The following RESF1 variants were observed in gnomAD, a reference collection of about 807,000 sequenced individuals.
RESF1 encodes the protein retroelement silencing factor 1, also known as gonad expressed transcript.
In RESF1, 65 loss-of-function variants were observed where a neutral mutation model predicts 134.7. That is an observed-to-expected ratio of 0.48 (90% CI 0.40 to 0.59). The LOEUF (loss-of-function observed/expected upper bound fraction) is 0.59, where lower values mean the gene tolerates loss of function less well. RESF1 is among the 20% of genes least tolerant of loss of function. RESF1 has a pLI of 0.00. For missense variants in RESF1, 2,274 were observed against 2,002.7 expected (o/e 1.14, Z -2.59); for synonymous variants, 762 against 702.2 (o/e 1.09, Z -1.35).
chr12:31,971,292 A>G (rs990964155), intron 3 of RESF1, among the ~76,000 whole-genome samples: 1 of 152,104 alleles, frequency 6.6e-6, no homozygotes, highest in Non-Finnish European at 1.5e-5. Flanking sequence ...ACAGGCATGT[A>G]CCACTATACC....
rs186772900 is a variant in RESF1, at chr12:31,982,240, A to G, written c.1285A>G (p.Met429Val). The change falls in exon 4 of 6, where the codon ATG becomes GTG. Residue 429 changes from methionine to valine, a missense_variant. Transcript: ENST00000312561. The part of the protein sequence containing the change: ...DLLMAAGCIK[M>V]TNTSYSEPAQ... ...TTTGATGGCAGCAGGTTGTATTAAAATGACTAATACTTCTTATAGTGAACC... is the reference window on the plus strand; with the variant it reads ...TTTGATGGCAGCAGGTTGTATTAAAGTGACTAATACTTCTTATAGTGAACC... 203 of 1,613,480 alleles carry G rather than the reference A, an allele frequency of 1.3e-4. 2 individuals are homozygous for G. In the East Asian group the frequency reaches 1.8e-3, roughly 15 times the overall value.
At chr12:31,966,262 G>A (rs1018439007) in intron 2 of RESF1, among the ~76,000 whole-genome samples, 6 of 152,170 alleles carry the variant, frequency 3.9e-5, no homozygotes, top group Non-Finnish European at 5.9e-5. Flanking sequence ...CCCATGGGCC[G>A]CGGATTGGAC....
At chr12:31,979,275 C>A (rs1000130362) in intron 3 of RESF1, among the ~76,000 whole-genome samples, 9 of 152,176 alleles carry the variant, frequency 5.9e-5, no homozygotes, top group Non-Finnish European at 1.2e-4. Context: ...GACCAATTCT[C>A]TCCACATACC....
Position 31,983,707 on chromosome 12 carries a change from T to A in RESF1, c.2752T>A (p.Leu918Met). The change falls in exon 4 of 6, where the codon TTG becomes ATG. Residue 918 changes from leucine (L) to methionine (M), a missense_variant. By Grantham distance (15) the Leu-to-Met change is conservative. Coordinates refer to ENST00000312561, the MANE Select transcript of RESF1 (RefSeq NM_018169.4). ...AGCAAAGATATTCAGCTCTCTTCCC[T>A]TGAAAATGGTTGAGCCACAGAAACC... ...QIAKIFSSLP[L>M]KMVEPQKPSL... 2 of 1,613,838 alleles carry A rather than the reference T, an allele frequency of 1.2e-6. No homozygotes were observed. The highest frequency in any genetic ancestry group is 1.1e-5 in the South Asian group (1 of 91,086).
Position 31,991,190 on chromosome 12 carries a change from C to A in RESF1, c.5087-1188C>A, listed in dbSNP as rs556510184. ...CCAGCCTGGGCAACAGAGCCAAGAC[C>A]CTGTCTCAAAAAAAAAAAAACCCAC... On this transcript the variant is annotated intron_variant, in intron 5 of 5. Transcript: ENST00000312561. Among the ~76,000 whole-genome samples, 10 of 129,998 alleles carry A rather than the reference C, an allele frequency of 7.7e-5. No homozygotes were observed. The East Asian group carries it at 2.7e-3, about 36-fold the overall frequency. 85.3% of individuals were successfully genotyped at this position (129,998 alleles called of 152,430 possible).
At chr12:31,977,188 A>T (rs1056295755) in intron 3 of RESF1, among the ~76,000 whole-genome samples, 8 of 151,920 alleles carry the variant, frequency 5.3e-5, no homozygotes, top group Non-Finnish European at 1.2e-4. Flanking sequence ...AGATATTCTC[A>T]TGTTTTTTTG....
chr12:31,971,270 G>A (rs557265319), intron 3 of RESF1, among the ~76,000 whole-genome samples: 1 of 152,152 alleles, frequency 6.6e-6, no homozygotes, highest in Non-Finnish European at 1.5e-5. Context: ...ATCCTCCCAG[G>A]TAGCAGGGAT....
chr12:31,982,737 T>G lies in RESF1; in HGVS notation c.1782T>G (p.Thr594=). 1 of 1,613,964 alleles carries G rather than the reference T, an allele frequency of 6.2e-7. No homozygotes were observed. The highest frequency in any genetic ancestry group is 8.5e-7 in the Non-Finnish European group (1 of 1,179,906). ...CTTTGCTTTCACAGGCACGTAAGAC[T>G]CAGAAGACAGTATTAAAAGATGCTA... is the stretch of plus-strand genomic sequence containing the variant. ...LLALLSQARK[T]QKTVLKDANQ... is the part of the protein sequence containing the mutation. The change falls in exon 4 of 6, where the codon ACT becomes ACG. Residue 594 remains threonine (T), a synonymous_variant. Transcript: ENST00000312561.
intron 3 of RESF1, among the ~76,000 whole-genome samples, chr12:31,974,208 GTTACTCAGGAGAT>G (rs980569357): frequency 3.3e-5 from 5 of 151,822 alleles, no homozygotes; most frequent in African/African-American, 4.8e-5. Context: ...AGACACTCCT[GTTACTCAGGAGAT>G]TACAAAGGTC....
In RESF1 at chr12:31,984,671, A is replaced by C. The variant is rs768133044; in HGVS notation, c.3716A>C (p.Lys1239Thr). ...VQFKSLVNNP[K>T]TPPDGKSHFP... ...TTTAAGAGCCTTGTAAATAATCCAA[A>C]GACTCCTCCAGATGGGAAAAGTCAT... The change falls in exon 4 of 6, where the codon AAG becomes ACG. Residue 1239 changes from lysine to threonine, a missense_variant. Lys to Thr is a moderately conservative substitution (Grantham distance 78). Transcript: ENST00000312561. The C allele has an allele frequency of 3.4e-5, 54 of 1,583,256 alleles. No homozygotes were observed. Among genetic ancestry groups the C allele is most frequent in the Non-Finnish European group, 4.4e-5 (52 of 1,171,916 alleles).
intron 3 of RESF1, among the ~76,000 whole-genome samples, chr12:31,974,425 G>A (rs746748166): frequency 5.3e-4 from 81 of 151,918 alleles, no homozygotes; most frequent in Non-Finnish European, 1.0e-3. Flanking sequence ...TCCCAGTTCC[G>A]GCGGCTAGAA....
chr12:31,969,908 A>G (rs35511352), intron 2 of RESF1, among the ~76,000 whole-genome samples: 14,290 of 152,090 alleles, frequency 0.094, 774 homozygotes, highest in Non-Finnish European at 0.13. Context: ...ATTTTCTTAT[A>G]CTTCTTTCTA....
Position 31,992,640 on chromosome 12 carries a change from A to G in RESF1, c.*105A>G. On this transcript the variant is annotated 3_prime_UTR_variant, in exon 6 of 6. Transcript: ENST00000312561. ...AAATGCCATGATAAAGATTTCTCAGAGTTTGGTTCCCACTTTCATTGTATT... is the reference window on the plus strand; with the variant it reads ...AAATGCCATGATAAAGATTTCTCAGGGTTTGGTTCCCACTTTCATTGTATT... The G allele has an allele frequency of 8.4e-7, 1 of 1,195,688 alleles. No individual in the cohort carries two copies. The highest frequency in any genetic ancestry group is 1.2e-6 in the Non-Finnish European group (1 of 823,554). The allele number at this position is 1,195,688 out of a possible 1,614,324, so 74.1% of individuals were successfully genotyped here. A position where few individuals can be genotyped will look rare whatever the true frequency, so the allele number is the denominator to read the frequency against.
intron 2 of RESF1, among the ~76,000 whole-genome samples, chr12:31,965,623 C>CT (rs1939382507): frequency 6.6e-6 from 1 of 152,162 alleles, no homozygotes; most frequent in African/African-American, 2.4e-5. Context: ...TTCTGTTCCA[C>CT]TGAAGGCATT....
chr12:31,959,562 G>GGGAGCCA (rs1256997344), intron 1 of RESF1, 71 bp downstream of exon 1: 1 of 152,300 alleles, frequency 6.6e-6, no homozygotes, highest in Non-Finnish European at 1.5e-5. Flanking sequence ...GCCGGGAGCC[G>GGGAGCCA]GGAGCCAGAG....
At position 31,992,657 on chromosome 12, in the gene RESF1, C is replaced by G. The variant is rs943946302; in HGVS notation, c.*122C>G. ...TTTCTCAGAGTTTGGTTCCCACTTT[C>G]ATTGTATTTCATTGAAAGTGCTTAA... On this transcript the variant is annotated 3_prime_UTR_variant, in exon 6 of 6. Coordinates refer to ENST00000312561, the MANE Select transcript of RESF1 (RefSeq NM_018169.4). The G allele has an allele frequency of 1.8e-5, 18 of 994,656 alleles. No individual in the cohort carries two copies. The highest frequency in any genetic ancestry group is 2.4e-5 in the Admixed American group (1 of 42,088). The allele number at this position is 994,656 out of a possible 1,614,324, so 61.6% of individuals were successfully genotyped here.
chr12:31,959,837 A>C (rs538474494), intron 1 of RESF1: 2 of 152,224 alleles, frequency 1.3e-5, no homozygotes, highest in South Asian at 4.1e-4. Flanking sequence ...TGCGCGGTAG[A>C]GGTCGCGAGT....
chr12:31,990,076 T>G (rs140342125), intron 5 of RESF1, among the ~76,000 whole-genome samples: 95 of 152,192 alleles, frequency 6.2e-4, no homozygotes, highest in Non-Finnish European at 9.6e-4. Context: ...AAAAGCTCCT[T>G]GGAAACAGGA....
chr12:31,974,651 C>T (rs1001475474), intron 3 of RESF1, among the ~76,000 whole-genome samples: 1 of 152,168 alleles, frequency 6.6e-6, no homozygotes, highest in African/African-American at 2.4e-5. Context: ...TCTCCAAATA[C>T]ACTGAGGGTC....
Sources: allele counts gnomAD v4.1 joint callset (sites outside exome capture counted in the v4.1 genomes callset), GRCh38; gene constraint gnomAD v4.1.1; transcripts MANE v1.5; gene names NCBI Gene and HGNC (gene_info 2026-07-23, HGNC 2026-07-21).